PRKD1: variants seen among roughly 807,000 people sequenced by gnomAD.
PRKD1 encodes serine/threonine-protein kinase D1.
PRKD1 carries 63 observed loss-of-function variants against 95.9 expected under a neutral mutation model. That is an observed-to-expected ratio of 0.66 (90% confidence interval 0.54 to 0.81). The LOEUF (loss-of-function observed/expected upper bound fraction) is 0.81, where lower values mean the gene tolerates loss of function less well. PRKD1 is among the 30% of genes least tolerant of loss of function. The pLI, the probability that PRKD1 is intolerant of heterozygous loss-of-function variation, is 0.00. For missense variants in PRKD1, 1,048 were observed against 1,165.3 expected (o/e 0.90, Z 1.47); for synonymous variants, 425 against 423.1 (o/e 1.00, Z -0.05).
At chr14:29,739,646 A>C (rs1886895696) in intron 1 of PRKD1, among the ~76,000 whole-genome samples, 2 of 152,212 alleles carry the variant, frequency 1.3e-5, no homozygotes, top group African/African-American at 4.8e-5. Context: ...AAGATATAGA[A>C]ATACACATAT....
chr14:29,683,755 T>C lies in PRKD1; in HGVS notation c.404-17547A>G, dbSNP rs553114255. On this transcript the variant is annotated intron_variant, in intron 2 of 17. Transcript: ENST00000331968. ...CATATCGCATGGCATGGCTACACAG[T>C]GAAAATGCAGGCCCTATGTTAAACA... 2.0e-4 allele frequency among the ~76,000 whole-genome samples: 31 copies of C among 152,272 alleles called. No individual in the cohort carries two copies. The South Asian group carries it at 3.5e-3, about 17-fold the overall frequency.
Position 29,927,498 on chromosome 14 carries a change from C to G in PRKD1, c.15G>C (p.Pro5=), listed in dbSNP as rs191667643. The part of the protein sequence containing the change: MSAP[P]VLRPPSPLLP... The stretch of plus-strand genomic sequence containing the variant: ...GCAGCGGACTGGGCGGCCGCAGGAC[C>G]GGAGGGGCGCTCATCGCTCGGCGGG... Residue 5 remains proline (P), a synonymous_variant, in exon 1 of 18, where the codon CCG becomes CCC. Coordinates refer to ENST00000331968, the MANE Select transcript of PRKD1 (RefSeq NM_002742.3). 8.3e-7 allele frequency: 1 copy of G among 1,201,986 alleles called. No individual in the cohort carries two copies. The highest frequency in any genetic ancestry group is 1.0e-6 in the Non-Finnish European group (1 of 971,364). 74.5% of individuals were successfully genotyped at this position (1,201,986 alleles called of 1,614,324 possible).
At chr14:29,586,350 A>G (rs971178645) in intron 16 of PRKD1, among the ~76,000 whole-genome samples, 2 of 152,224 alleles carry the variant, frequency 1.3e-5, no homozygotes, top group Non-Finnish European at 2.9e-5. Flanking sequence ...TTCCCAAATA[A>G]CTACAGACTG....
intron 1 of PRKD1, among the ~76,000 whole-genome samples, chr14:29,847,407 C>T (rs1892122502): frequency 2.0e-5 from 3 of 152,068 alleles, no homozygotes; most frequent in Admixed American, 1.3e-4. Flanking sequence ...TTGGTAGCAA[C>T]CTCCAATAGT....
chr14:29,578,543 TAAAAAAAAAAAAAAAA>T (rs992449669), intron 16 of PRKD1, among the ~76,000 whole-genome samples, 183 bp from the exon 17 acceptor site: 5 of 42,684 alleles, frequency 1.2e-4, no homozygotes, highest in African/African-American at 3.8e-4. Flanking sequence ...TTTTGGATAC[TAAAAAAAAAAAAAAAA>T]AAAAAAAAAA....
chr14:29,707,839 T>C (rs1025220692), intron 2 of PRKD1, among the ~76,000 whole-genome samples: 1 of 152,142 alleles, frequency 6.6e-6, no homozygotes, highest in Non-Finnish European at 1.5e-5. Context: ...TGTTCCATCC[T>C]GGACTCATTC....
intron 16 of PRKD1, among the ~76,000 whole-genome samples, chr14:29,588,790 T>TTG (rs34773417): frequency 0.029 from 4,247 of 145,322 alleles, 54 homozygotes; most frequent in South Asian, 0.063. Context: ...ATTCCTAAAG[T>TTG]TGTGTGTGTG....
intron 1 of PRKD1, among the ~76,000 whole-genome samples, chr14:29,874,817 CAGAT>C (rs1466681036): frequency 1.1e-4 from 17 of 152,068 alleles, no homozygotes; most frequent in African/African-American, 2.4e-4. Flanking sequence ...AATAGAATGA[CAGAT>C]AGATCAGATG....
chr14:29,831,145 C>T (rs1030080025), intron 1 of PRKD1, among the ~76,000 whole-genome samples: 1 of 152,120 alleles, frequency 6.6e-6, no homozygotes, highest in African/African-American at 2.4e-5. Context: ...GAGTTAAGTG[C>T]TCTACGTGGT....
chr14:29,592,895 C>T (rs557820745), intron 16 of PRKD1: 1 of 152,172 alleles, frequency 6.6e-6, no homozygotes, highest in East Asian at 1.9e-4. Flanking sequence ...TAGCTCTATG[C>T]CTGTGAAAGC....
intron 2 of PRKD1, among the ~76,000 whole-genome samples, chr14:29,689,104 A>C (rs1195127856): frequency 6.6e-6 from 1 of 152,020 alleles, no homozygotes; most frequent in Non-Finnish European, 1.5e-5. Flanking sequence ...AAAGCCAAAA[A>C]ATGACAAATA....
At chr14:29,849,015 G>T (rs139373031) in intron 1 of PRKD1, among the ~76,000 whole-genome samples, 368 of 152,256 alleles carry the variant, frequency 2.4e-3, no homozygotes, top group African/African-American at 8.2e-3. Flanking sequence ...AAATACAAAA[G>T]ATCCTCAGAG....
intron 12 of PRKD1, among the ~76,000 whole-genome samples, chr14:29,625,433 A>G (rs138301473): frequency 2.0e-5 from 3 of 152,122 alleles, no homozygotes; most frequent in African/African-American, 7.2e-5. Flanking sequence ...TCAGTGTTGG[A>G]TGTTCCAAAT....
intron 1 of PRKD1, among the ~76,000 whole-genome samples, chr14:29,778,591 A>T (rs537618634): frequency 6.6e-6 from 1 of 152,268 alleles, no homozygotes; most frequent in East Asian, 1.9e-4. Flanking sequence ...AAACCAGGAA[A>T]AAGTTGAATC....
chr14:29,733,338 G>A (rs1469840941), intron 1 of PRKD1, among the ~76,000 whole-genome samples: 1 of 151,998 alleles, frequency 6.6e-6, no homozygotes, highest in Non-Finnish European at 1.5e-5. Context: ...TCCTGGCCTC[G>A]TGATCCACCC....
intron 1 of PRKD1, among the ~76,000 whole-genome samples, chr14:29,748,105 T>C (rs1887313427): frequency 6.6e-6 from 1 of 152,124 alleles, no homozygotes; most frequent in Non-Finnish European, 1.5e-5. Flanking sequence ...TTTTGTAACA[T>C]GTGTGTGAGC....
chr14:29,786,525 A>G (rs909458914), intron 1 of PRKD1, among the ~76,000 whole-genome samples: 2 of 152,048 alleles, frequency 1.3e-5, no homozygotes, highest in East Asian at 3.9e-4. Flanking sequence ...ATTTCTTGCT[A>G]ATGGTCTGTT....
intron 1 of PRKD1, among the ~76,000 whole-genome samples, chr14:29,737,607 C>A (rs1886791454): frequency 6.6e-6 from 1 of 152,080 alleles, no homozygotes; most frequent in Non-Finnish European, 1.5e-5. Context: ...AAAACACAAC[C>A]TAAGTGTTGT....
At chr14:29,768,142 C>T (rs1476116350) in intron 1 of PRKD1, among the ~76,000 whole-genome samples, 1 of 152,112 alleles carries the variant, frequency 6.6e-6, no homozygotes, top group East Asian at 1.9e-4. Context: ...ACACATTGAC[C>T]CATTAACAGT....
Sources: gnomAD v4.1 joint callset for allele counts (sites outside exome capture counted in the v4.1 genomes callset) on GRCh38, gnomAD v4.1.1 for gene constraint, MANE v1.5 for transcripts, NCBI Gene and HGNC (gene_info 2026-07-23, HGNC 2026-07-21) for gene names.